The following PCDH15 variants were observed in gnomAD, a reference collection of about 807,000 sequenced individuals.
The protein encoded by PCDH15 is protocadherin-15.
Under a neutral mutation model 178.5 loss-of-function variants are expected in PCDH15, and 129 were observed. The ratio of observed to expected loss-of-function variants is 0.72; its 90% CI spans 0.63 to 0.84. PCDH15 has a LOEUF of 0.84. Among genes scored for constraint, PCDH15 ranks in the 40% least tolerant of loss-of-function variants. The pLI is 0.00. For missense variants in PCDH15, 2,230 were observed against 2,099.9 expected, an observed-to-expected ratio of 1.06 and a Z score of -1.21; for synonymous variants, 800 against 732.0, an observed-to-expected ratio of 1.09 and a Z score of -1.50.
intron 2 of PCDH15, among the ~76,000 whole-genome samples, chr10:55,146,802 A>C (rs1335362032): frequency 6.6e-6 from 1 of 151,880 alleles, no homozygotes; most frequent in Non-Finnish European, 1.5e-5. Flanking sequence ...ATTGACTAAA[A>C]AACTACAAAT....
chr10:54,562,229 G>A (rs921293836), intron 2 of PCDH15, among the ~76,000 whole-genome samples: 5 of 147,422 alleles, frequency 3.4e-5, no homozygotes, highest in African/African-American at 1.3e-4. Flanking sequence ...GACCTCAAGT[G>A]ATTCACCTGC....
chr10:55,008,319 C>T (rs776538432), intron 2 of PCDH15, among the ~76,000 whole-genome samples: 1 of 151,954 alleles, frequency 6.6e-6, no homozygotes, highest in Non-Finnish European at 1.5e-5. Context: ...CAGTAATGAG[C>T]TTAGTATCGG....
intron 3 of PCDH15, among the ~76,000 whole-genome samples, chr10:54,440,569 T>A (rs112718709): frequency 0.014 from 2,139 of 152,054 alleles, 70 homozygotes; most frequent in African/African-American, 0.049. Context: ...ATCAATTTCT[T>A]AAAATGGCAT....
intron 14 of PCDH15, among the ~76,000 whole-genome samples, chr10:54,150,444 GAACT>G (rs2044411645): frequency 6.7e-6 from 1 of 149,810 alleles, no homozygotes; most frequent in African/African-American, 2.5e-5. Flanking sequence ...TTTTTTTTTT[GAACT>G]AATATTAGTA....
At chr10:54,244,568 A>G (rs576640684) in intron 8 of PCDH15, among the ~76,000 whole-genome samples, 2 of 152,208 alleles carry the variant, frequency 1.3e-5, no homozygotes, top group African/African-American at 2.4e-5. Flanking sequence ...ACTATCAAAA[A>G]TCGTTTTCCA....
chr10:55,592,300 G>A (rs1295384774), intron 2 of PCDH15, among the ~76,000 whole-genome samples: 6 of 152,140 alleles, frequency 3.9e-5, no homozygotes, highest in Non-Finnish European at 5.9e-5. Flanking sequence ...AAAAGCAGGA[G>A]CAAGTGACTG....
At chr10:54,388,202 T>G (rs1246930885) in intron 3 of PCDH15, among the ~76,000 whole-genome samples, 1 of 152,192 alleles carries the variant, frequency 6.6e-6, no homozygotes, top group East Asian at 1.9e-4. Context: ...GGAAAGTCTT[T>G]TCTCTGTTCA....
chr10:55,119,548 T>G (rs1591917319), intron 2 of PCDH15, among the ~76,000 whole-genome samples: 1 of 131,924 alleles, frequency 7.6e-6, no homozygotes. Flanking sequence ...AAAGGCAGGG[T>G]ATTGCATATT....
At chr10:54,594,478 G>T (rs1193361010) in intron 2 of PCDH15, among the ~76,000 whole-genome samples, 5 of 152,064 alleles carry the variant, frequency 3.3e-5, no homozygotes, top group African/African-American at 1.2e-4. Flanking sequence ...TACCCCCCCA[G>T]GCACCTCAAG....
chr10:54,073,303 T>C (rs976679070), intron 17 of PCDH15, among the ~76,000 whole-genome samples: 9 of 151,628 alleles, frequency 5.9e-5, no homozygotes, highest in African/African-American at 1.9e-4. Context: ...GCATGTTACA[T>C]ATATTGTAAA....
chr10:54,354,537 A>T (rs1944668975), intron 5 of PCDH15, among the ~76,000 whole-genome samples: 1 of 152,114 alleles, frequency 6.6e-6, no homozygotes, highest in Non-Finnish European at 1.5e-5. Context: ...TCTTTCTTTA[A>T]CTTTAGATTA....
At chr10:55,002,260 G>A (rs1218610494) in intron 2 of PCDH15, among the ~76,000 whole-genome samples, 1 of 152,116 alleles carries the variant, frequency 6.6e-6, no homozygotes, top group East Asian at 1.9e-4. Context: ...AGAAAATATT[G>A]TGTGGTTATT....
At chr10:54,907,601 G>T (rs1457806412) in intron 2 of PCDH15, among the ~76,000 whole-genome samples, 1 of 151,948 alleles carries the variant, frequency 6.6e-6, no homozygotes, top group African/African-American at 2.4e-5. Flanking sequence ...CATTGTTAAG[G>T]CCCCCTGGGA....
chr10:54,257,403 C>CTTTTTTTTTTTTT (rs71461225), intron 8 of PCDH15, among the ~76,000 whole-genome samples: 119 of 125,974 alleles, frequency 9.4e-4, no homozygotes, highest in African/African-American at 3.4e-3. Context: ...GAATTGTCTT[C>CTTTTTTTTTTTTT]TTTTTTTTTT....
chr10:54,600,531 G>A (rs1430917354), intron 2 of PCDH15: 9 of 577,646 alleles, frequency 1.6e-5, no homozygotes, highest in Non-Finnish European at 2.7e-5. Flanking sequence ...GTGAGAGGGA[G>A]ATGGTGCTAC....
chr10:54,394,496 T>C (rs1423638579), intron 3 of PCDH15, among the ~76,000 whole-genome samples: 1 of 150,810 alleles, frequency 6.6e-6, no homozygotes, highest in Non-Finnish European at 1.5e-5. Flanking sequence ...GGGGAGGGAG[T>C]GTGCGAATAG....
At chr10:54,581,182 A>C (rs2091004292) in intron 2 of PCDH15, among the ~76,000 whole-genome samples, 1 of 152,102 alleles carries the variant, frequency 6.6e-6, no homozygotes, top group Non-Finnish European at 1.5e-5. Context: ...ATGTTTCTAC[A>C]CTAAGGAAAC....
At chr10:54,377,140 A>G (rs1231471806) in intron 4 of PCDH15, among the ~76,000 whole-genome samples, 1 of 152,138 alleles carries the variant, frequency 6.6e-6, no homozygotes, top group African/African-American at 2.4e-5. Flanking sequence ...TAAGTATTAT[A>G]AATATACATA....
intron 3 of PCDH15, among the ~76,000 whole-genome samples, chr10:54,415,621 T>G (rs985678984): frequency 8.0e-6 from 1 of 124,952 alleles, no homozygotes; most frequent in African/African-American, 2.8e-5. Flanking sequence ...AAGAAAATAG[T>G]TGAACATAAT....
Sources: allele counts gnomAD v4.1 joint callset (sites outside exome capture counted in the v4.1 genomes callset), GRCh38; gene constraint gnomAD v4.1.1; transcripts MANE v1.5; gene names NCBI Gene and HGNC (gene_info 2026-07-23, HGNC 2026-07-21).